The following DPYS variants were observed in gnomAD, a reference collection of about 807,000 sequenced individuals.
DPYS encodes dihydropyrimidinase, also known as dihydropyrimidine amidohydrolase.
In DPYS, 39 loss-of-function variants were observed where a neutral mutation model predicts 50.3. That is an observed-to-expected ratio of 0.78 (90% CI 0.60 to 1.01). The LOEUF (loss-of-function observed/expected upper bound fraction) is 1.01. Ranked by LOEUF, DPYS falls within the 50% of genes least tolerant of loss-of-function variation. The pLI, the probability that DPYS is intolerant of heterozygous loss-of-function variation, is 0.00. For synonymous variants in DPYS, 245 were observed against 250.7 expected, an observed-to-expected ratio of 0.98 and a Z score of 0.22; for missense variants, 659 against 680.9, an observed-to-expected ratio of 0.97 and a Z score of 0.36.
chr8:104,444,468 C>T (rs781488366), intron 3 of DPYS, 31 bp from the exon 4 acceptor site: 4 of 1,612,876 alleles, frequency 2.5e-6, no homozygotes, highest in Non-Finnish European at 1.7e-6. Flanking sequence ...TGTATATGTG[C>T]AAGGAAGGTT....
chr8:104,386,358 C>A (rs912628614), intron 8 of DPYS, among the ~76,000 whole-genome samples: 4 of 151,754 alleles, frequency 2.6e-5, no homozygotes, highest in Non-Finnish European at 5.9e-5. Flanking sequence ...CATGGTGAAA[C>A]CCCGTCTCTA....
chr8:104,389,377 T>C (rs1263214664), intron 8 of DPYS, among the ~76,000 whole-genome samples: 1 of 152,228 alleles, frequency 6.6e-6, no homozygotes, highest in East Asian at 1.9e-4. Context: ...GATATTTTTA[T>C]CCTGTAAGTT....
rs149491007 is a variant in DPYS at position 104,410,648 on chromosome 8, T to C, written c.1235+13599A>G. Among the ~76,000 whole-genome samples the C allele has an allele frequency of 7.9e-5, 12 of 152,158 alleles. No individual in the cohort carries two copies. The East Asian group carries it at 2.3e-3, about 29-fold the overall frequency. ...CCATTTTCTACTGGTGCCAGGCAAATTGGGAAGCACAGATTTGGATCAACT... is the reference window on the plus strand; with the variant it reads ...CCATTTTCTACTGGTGCCAGGCAAACTGGGAAGCACAGATTTGGATCAACT... On this transcript the variant is annotated intron_variant, in intron 7 of 9. Coordinates refer to ENST00000351513, the MANE Select transcript of DPYS (RefSeq NM_001385.3).
intron 4 of DPYS, among the ~76,000 whole-genome samples, chr8:104,443,931 C>T (rs887969943): frequency 7.9e-5 from 12 of 152,032 alleles, no homozygotes; most frequent in Admixed American, 3.3e-4. Flanking sequence ...TTGCATTTAG[C>T]TATCATATTT....
At chr8:104,455,765 C>A (rs1179635224) in intron 1 of DPYS, among the ~76,000 whole-genome samples, 1 of 152,094 alleles carries the variant, frequency 6.6e-6, no homozygotes, top group Non-Finnish European at 1.5e-5. Context: ...TGCACGAACA[C>A]AAAACCACAC....
At chr8:104,413,316 A>C (rs1812253975) in intron 7 of DPYS, among the ~76,000 whole-genome samples, 1 of 151,438 alleles carries the variant, frequency 6.6e-6, no homozygotes, top group Non-Finnish European at 1.5e-5. Context: ...ATACACAAAA[A>C]TTATATATAA....
At chr8:104,452,822 C>CAGAG (rs1813796097) in intron 1 of DPYS, among the ~76,000 whole-genome samples, 1 of 152,168 alleles carries the variant, frequency 6.6e-6, no homozygotes. Flanking sequence ...GCCTGGGCAA[C>CAGAG]AGAGAGAGAC....
At chr8:104,452,744 G>A (rs192607226) in intron 1 of DPYS, among the ~76,000 whole-genome samples, 17 of 152,310 alleles carry the variant, frequency 1.1e-4, no homozygotes, top group Admixed American at 8.5e-4. Context: ...GGTAGACTGA[G>A]ATGGAAGGAC....
chr8:104,434,154 T>A (rs914629922), intron 4 of DPYS, among the ~76,000 whole-genome samples: 3 of 64,406 alleles, frequency 4.7e-5, no homozygotes, highest in Admixed American at 2.1e-4. Flanking sequence ...GCTTCCTGGT[T>A]ATAGGTAGAT....
chr8:104,415,917 A>G (rs1197200530), intron 7 of DPYS, among the ~76,000 whole-genome samples: 3 of 152,160 alleles, frequency 2.0e-5, no homozygotes, highest in Non-Finnish European at 4.4e-5. Context: ...CAAACTGACC[A>G]CCTACTACTA....
At chr8:104,407,203 AG>A (rs1203383190) in intron 7 of DPYS, among the ~76,000 whole-genome samples, 1 of 152,234 alleles carries the variant, frequency 6.6e-6, no homozygotes, top group Non-Finnish European at 1.5e-5. Context: ...GGAGCAATAG[AG>A]GCTCAGAGAA....
chr8:104,442,310 C>T (rs1477771486), intron 4 of DPYS, among the ~76,000 whole-genome samples: 1 of 152,294 alleles, frequency 6.6e-6, no homozygotes, highest in African/African-American at 2.4e-5. Flanking sequence ...TATCCCAATG[C>T]AAAACAAATA....
chr8:104,406,934 G>A (rs1812016349), intron 7 of DPYS, among the ~76,000 whole-genome samples: 1 of 152,060 alleles, frequency 6.6e-6, no homozygotes, highest in Admixed American at 6.5e-5. Flanking sequence ...TTTCCTGATC[G>A]TTTTGCTTCC....
intron 1 of DPYS, among the ~76,000 whole-genome samples, chr8:104,460,453 C>A (rs1207636564): frequency 1.3e-5 from 2 of 152,200 alleles, no homozygotes; most frequent in South Asian, 2.1e-4. Flanking sequence ...TTCCCGAGGC[C>A]TCCCCGGTCA....
At chr8:104,406,676 C>T (rs985212178) in intron 7 of DPYS, among the ~76,000 whole-genome samples, 7 of 152,234 alleles carry the variant, frequency 4.6e-5, no homozygotes, top group Admixed American at 3.9e-4. Flanking sequence ...GACCACTTGC[C>T]CTCTGGCCTG....
At chr8:104,439,084 C>T (rs1327658339) in intron 4 of DPYS, among the ~76,000 whole-genome samples, 1 of 151,586 alleles carries the variant, frequency 6.6e-6, no homozygotes, top group Non-Finnish European at 1.5e-5. Context: ...AAAAGGAATA[C>T]CTAAAACAGG....
intron 8 of DPYS, among the ~76,000 whole-genome samples, chr8:104,382,066 C>T (rs1449136014): frequency 6.6e-6 from 1 of 152,188 alleles, no homozygotes; most frequent in Non-Finnish European, 1.5e-5. Context: ...ACTTCCTCAT[C>T]CATGAAATGG....
chr8:104,392,898 T>C lies in DPYS; in HGVS notation c.1329A>G (p.Arg443=). The change falls in exon 8 of 10, where the codon AGA becomes AGG. Residue 443 remains arginine, a synonymous_variant. Coordinates refer to ENST00000351513, the MANE Select transcript of DPYS (RefSeq NM_001385.3). ...CHGVPLVTIS[R]GKVVYEAGVF... ...CTCCGGCTTCATATACCACTTTGCC[T>C]CTTGAAATAGTCACAAGGGGCACCC... is the stretch of plus-strand genomic sequence containing the variant. The C allele has an allele frequency of 1.2e-6, 2 of 1,614,188 alleles. No homozygotes were observed. The highest frequency in any genetic ancestry group is 1.7e-6 in the Non-Finnish European group (2 of 1,180,032).
At chr8:104,413,662 A>C (rs1812271028) in intron 7 of DPYS, among the ~76,000 whole-genome samples, 1 of 152,204 alleles carries the variant, frequency 6.6e-6, no homozygotes, top group African/African-American at 2.4e-5. Context: ...TTAATTACTC[A>C]CTGAATAAAT....
Sources: gnomAD v4.1 joint callset for allele counts (sites outside exome capture counted in the v4.1 genomes callset) on GRCh38, gnomAD v4.1.1 for gene constraint, MANE v1.5 for transcripts, NCBI Gene and HGNC (gene_info 2026-07-23, HGNC 2026-07-21) for gene names.